COL4A5: variants seen among roughly 807,000 people sequenced by gnomAD.
The protein encoded by COL4A5 is collagen type IV alpha 5 chain, also known as collagen alpha-5(IV) chain.
Under a neutral mutation model 130.2 loss-of-function variants are expected in COL4A5, and 26 were observed. That is an observed-to-expected ratio of 0.20 (90% CI 0.15 to 0.28). The LOEUF (loss-of-function observed/expected upper bound fraction) is 0.28. Among genes scored for constraint, COL4A5 ranks in the 10% least tolerant of loss-of-function variants. The probability of loss-of-function intolerance (pLI) is 1.00; values close to 1 mark genes in which losing one functional copy is unlikely to be tolerated. For missense variants in COL4A5, 1,131 were observed against 1,344.3 expected (o/e 0.84, Z 2.48); for synonymous variants, 496 against 439.6 (o/e 1.13, Z -1.60).
At chrX:108,627,860 A>C (rs1363071059) in intron 36 of COL4A5, among the ~76,000 whole-genome samples, 3 of 110,746 alleles carry the variant, frequency 2.7e-5, no homozygotes, top group Non-Finnish European at 3.8e-5. Flanking sequence ...TTTAATACTC[A>C]TTTTTTACAT....
rs768478427 is a variant in COL4A5, at chrX:108,622,790, G to T, written c.2882G>T (p.Gly961Val). 6 of 1,210,934 alleles carry T rather than the reference G, an allele frequency of 5.0e-6. No individual in the cohort carries two copies. In the Admixed American group the frequency reaches 1.1e-4, roughly 22 times the overall value. The part of the protein sequence containing the change: ...PPGPMDPNLL[G>V]SKGEKGEPGL... ...GGACCAATGGATCCAAATCTTCTGG[G>T]CTCAAAAGGAGAGAAGGGGGAACCT... Residue 961 changes from glycine (G) to valine (V), a missense_variant, in exon 33 of 53, where the codon GGC becomes GTC. Transcript: ENST00000328300.
intron 29 of COL4A5, among the ~76,000 whole-genome samples, chrX:108,612,026 CA>C (rs1172700754): frequency 9.0e-6 from 1 of 111,282 alleles, no homozygotes; most frequent in East Asian, 2.8e-4. Flanking sequence ...GCCATATCAA[CA>C]GAGTAAAGAA....
intron 28 of COL4A5, among the ~76,000 whole-genome samples, chrX:108,604,888 C>T (rs753008836): frequency 1.8e-5 from 2 of 111,891 alleles, no homozygotes; most frequent in African/African-American, 3.3e-5. Context: ...TTAAACCTCA[C>T]GAACCAGCTT....
intron 51 of COL4A5, 74 bp downstream of exon 51, chrX:108,694,995 G>T: frequency 1.2e-6 from 1 of 825,570 alleles, no homozygotes; most frequent in South Asian, 2.1e-5. Flanking sequence ...CCCAATATGA[G>T]GAATCCCTGT....
At chrX:108,631,807 A>T (rs1439584360) in intron 36 of COL4A5, among the ~76,000 whole-genome samples, 1 of 111,703 alleles carries the variant, frequency 9.0e-6, no homozygotes, top group Non-Finnish European at 1.9e-5. Flanking sequence ...ACATTCCAGA[A>T]TCTCTGGGAC....
intron 1 of COL4A5, among the ~76,000 whole-genome samples, chrX:108,441,906 AGG>A (rs2064404929): frequency 8.0e-5 from 9 of 112,008 alleles, no homozygotes; most frequent in Non-Finnish European, 1.5e-4. Flanking sequence ...GTTAACAATG[AGG>A]TTTCTTTTTA....
At chrX:108,457,564 G>A (rs2064596272) in intron 1 of COL4A5, among the ~76,000 whole-genome samples, 1 of 111,201 alleles carries the variant, frequency 9.0e-6, no homozygotes, top group Non-Finnish European at 1.9e-5. Flanking sequence ...GTATGTTCTT[G>A]TCATTTTCTT....
In COL4A5 at chrX:108,622,948, T is replaced by A. The variant is rs979595461; in HGVS notation, c.2917+123T>A. On this transcript the variant is annotated intron_variant, in intron 33 of 52. Transcript: ENST00000328300. ...ACAAAGGCACTTAAATGCATCAAAT[T>A]TTGGTAACAAATATTAATTTTCACT... The A allele has an allele frequency of 1.1e-5, 7 of 626,155 alleles. No individual in the cohort carries two copies. In the Admixed American group the frequency reaches 1.9e-4, roughly 17 times the overall value. 51.6% of individuals were successfully genotyped at this position (626,155 alleles called of 1,213,427 possible). A position where few individuals can be genotyped will look rare whatever the true frequency, so the allele number is the denominator to read the frequency against.
rs1359562928 is a variant in COL4A5, at chrX:108,592,333, A to G, written c.1423+689A>G. On this transcript the variant is annotated intron_variant, in intron 21 of 52. Transcript: ENST00000328300. ...TTATTTCCCCAAGGATTTTTTTTCC[A>G]GCAATTTTTGCCTCTCCGACATCAC... is the stretch of plus-strand genomic sequence containing the variant. Among the ~76,000 whole-genome samples, 21 of 111,027 alleles carry G rather than the reference A, an allele frequency of 1.9e-4. No individual in the cohort carries two copies. The Admixed American group carries it at 2.0e-3, about 11-fold the overall frequency.
intron 1 of COL4A5, among the ~76,000 whole-genome samples, chrX:108,537,995 C>T (rs1357984058): frequency 8.9e-6 from 1 of 111,765 alleles, no homozygotes; most frequent in Non-Finnish European, 1.9e-5. Context: ...TTTTAATTAA[C>T]CTCTGTTTCC....
intron 36 of COL4A5, among the ~76,000 whole-genome samples, chrX:108,654,339 T>A (rs1453286794): frequency 1.9e-5 from 2 of 106,340 alleles, no homozygotes; most frequent in Non-Finnish European, 3.8e-5. Context: ...AATTAAGGAG[T>A]TAAGACTGCA....
chrX:108,645,655 G>A (rs2067565354), intron 36 of COL4A5, among the ~76,000 whole-genome samples: 2 of 108,343 alleles, frequency 1.8e-5, no homozygotes, highest in South Asian at 8.3e-4. Flanking sequence ...ATGTATACAT[G>A]TGCCATGTTG....
intron 2 of COL4A5, among the ~76,000 whole-genome samples, chrX:108,555,251 G>GT (rs1360996151): frequency 8.9e-6 from 1 of 111,966 alleles, no homozygotes; most frequent in East Asian, 2.8e-4. Flanking sequence ...GGTAATGTGT[G>GT]TTTTAATAAG....
chrX:108,504,757 G>A (rs775709785), intron 1 of COL4A5, among the ~76,000 whole-genome samples: 1 of 112,173 alleles, frequency 8.9e-6, no homozygotes, highest in Non-Finnish European at 1.9e-5. Context: ...TGGCATGGAT[G>A]TAGTGAAAAG....
chrX:108,557,666 G>C (rs2065841765), intron 2 of COL4A5, among the ~76,000 whole-genome samples: 1 of 111,203 alleles, frequency 9.0e-6, no homozygotes, highest in African/African-American at 3.3e-5. Context: ...CACTTTCAGA[G>C]TAGAAATAAA....
At chrX:108,471,513 T>C (rs1046193159) in intron 1 of COL4A5, among the ~76,000 whole-genome samples, 3 of 111,882 alleles carry the variant, frequency 2.7e-5, no homozygotes, top group Non-Finnish European at 5.6e-5. Context: ...TTTACTGAAC[T>C]CGTTTGTCAG....
chrX:108,566,958 A>G (rs1210709766), intron 4 of COL4A5, among the ~76,000 whole-genome samples: 2 of 111,949 alleles, frequency 1.8e-5, no homozygotes, highest in Non-Finnish European at 3.8e-5. Flanking sequence ...TATACTTATT[A>G]TCTCTTCCCC....
At chrX:108,552,692 T>G (rs1225616805) in intron 2 of COL4A5, among the ~76,000 whole-genome samples, 1 of 111,975 alleles carries the variant, frequency 8.9e-6, no homozygotes, top group Non-Finnish European at 1.9e-5. Context: ...AGACTCAATA[T>G]TGTTAAGTTG....
At chrX:108,695,613 T>TGATTATTAATA in intron 52 of COL4A5, 174 bp downstream of exon 52, 1 of 492,999 alleles carries the variant, frequency 2.0e-6, no homozygotes, top group Non-Finnish European at 3.4e-6. Context: ...AAAACAGACT[T>TGATTATTAATA]GATTATTAAT....
Sources: allele counts gnomAD v4.1 joint callset (sites outside exome capture counted in the v4.1 genomes callset), GRCh38; gene constraint gnomAD v4.1.1; transcripts MANE v1.5; gene names NCBI Gene and HGNC (gene_info 2026-07-23, HGNC 2026-07-21).